The following TBCEL variants were observed in gnomAD, a reference collection of about 807,000 sequenced individuals.
TBCEL encodes tubulin folding cofactor E like, also known as tubulin-specific chaperone cofactor E-like protein.
A neutral mutation model predicts 44.2 loss-of-function variants in TBCEL; 15 were observed. The ratio of observed to expected loss-of-function variants is 0.34; its 90% CI spans 0.23 to 0.52. The LOEUF is 0.52. TBCEL is among the 20% of genes least tolerant of loss of function. TBCEL has a pLI of 0.95. For synonymous variants in TBCEL, 171 were observed against 185.4 expected (o/e 0.92, Z 0.63); for missense variants, 319 against 506.3 (o/e 0.63, Z 3.55).
intron 4 of TBCEL, among the ~76,000 whole-genome samples, chr11:121,050,099 AGTCTTCTAGAG>A (rs897458352): frequency 2.4e-4 from 37 of 151,622 alleles, no homozygotes; most frequent in Non-Finnish European, 4.7e-4. Flanking sequence ...AGTTGATCCC[AGTCTTCTAGAG>A]GATATATCAG....
chr11:121,037,963 ATTTT>A (rs771076664), intron 2 of TBCEL, among the ~76,000 whole-genome samples: 1 of 144,592 alleles, frequency 6.9e-6, no homozygotes, highest in South Asian at 2.2e-4. Flanking sequence ...TGCAGAATGA[ATTTT>A]TTTTTTTTTT....
chr11:121,078,830 G>A (rs1307623716), intron 8 of TBCEL, among the ~76,000 whole-genome samples: 6 of 152,148 alleles, frequency 3.9e-5, no homozygotes, highest in Non-Finnish European at 8.8e-5. Flanking sequence ...CTGGTCCATG[G>A]AGATGCTTAT....
intron 2 of TBCEL, among the ~76,000 whole-genome samples, chr11:121,037,840 T>C (rs759996679): frequency 1.3e-5 from 2 of 152,176 alleles, no homozygotes; most frequent in Non-Finnish European, 2.9e-5. Context: ...TGAAAAGCTT[T>C]TGATAATACT....
chr11:121,047,436 G>A, intron 3 of TBCEL, 92 bp from the exon 4 acceptor site: 1 of 1,460,802 alleles, frequency 6.8e-7, no homozygotes, highest in African/African-American at 1.4e-5. Flanking sequence ...CACACAGTTT[G>A]ATTTTTGTTT....
At chr11:121,060,311 T>C (rs554883278) in intron 8 of TBCEL, among the ~76,000 whole-genome samples, 8 of 152,000 alleles carry the variant, frequency 5.3e-5, no homozygotes, top group Non-Finnish European at 1.0e-4. Context: ...TAAGAATGAT[T>C]GGGTAAGTAT....
chr11:121,028,859 T>G (rs756264430), intron 1 of TBCEL, among the ~76,000 whole-genome samples: 1 of 152,218 alleles, frequency 6.6e-6, no homozygotes, highest in Non-Finnish European at 1.5e-5. Flanking sequence ...TGTTTCCGCC[T>G]TCTTTAGAAG....
chr11:121,041,926 AAAG>A (rs1945341716), intron 2 of TBCEL, among the ~76,000 whole-genome samples: 1 of 151,998 alleles, frequency 6.6e-6, no homozygotes, highest in Non-Finnish European at 1.5e-5. Flanking sequence ...AAAAAAAAAA[AAAG>A]AAGTCTTAAA....
chr11:121,053,478 G>C, intron 4 of TBCEL, 73 bp from the exon 5 acceptor site: 1 of 1,444,374 alleles, frequency 6.9e-7, no homozygotes, highest in Non-Finnish European at 9.5e-7. Context: ...GCTCCTCTAG[G>C]CTTTCTTGAG....
At chr11:121,033,790 TATTA>T (rs1375386307) in intron 1 of TBCEL, among the ~76,000 whole-genome samples, 3 of 152,268 alleles carry the variant, frequency 2.0e-5, no homozygotes, top group Middle Eastern at 3.4e-3. Context: ...GCTTTGTACC[TATTA>T]ATTAATAACT....
chr11:121,067,145 G>A (rs1277384535), intron 8 of TBCEL, among the ~76,000 whole-genome samples: 1 of 152,182 alleles, frequency 6.6e-6, no homozygotes, highest in Non-Finnish European at 1.5e-5. Flanking sequence ...ATAAAGAGCC[G>A]ACATGATGAG....
intron 8 of TBCEL, among the ~76,000 whole-genome samples, chr11:121,075,345 C>CA (rs1047258810): frequency 6.6e-6 from 1 of 151,566 alleles, no homozygotes; most frequent in East Asian, 1.9e-4. Flanking sequence ...TCACTATAGG[C>CA]AAAAAAAATG....
chr11:121,028,019 A>G (rs1364370616), intron 1 of TBCEL, among the ~76,000 whole-genome samples: 4 of 152,102 alleles, frequency 2.6e-5, no homozygotes, highest in Non-Finnish European at 5.9e-5. Context: ...CAACCTGGGC[A>G]ACGTAGGGAG....
intron 1 of TBCEL, among the ~76,000 whole-genome samples, chr11:121,026,941 TAGACTCTTAA>T (rs1160155604): frequency 6.6e-6 from 1 of 152,244 alleles, no homozygotes; most frequent in East Asian, 1.9e-4. Flanking sequence ...CTCTGATCCT[TAGACTCTTAA>T]GCCTGTCCAC....
At chr11:121,038,397 T>C (rs1945272622) in intron 2 of TBCEL, among the ~76,000 whole-genome samples, 1 of 152,188 alleles carries the variant, frequency 6.6e-6, no homozygotes, top group Non-Finnish European at 1.5e-5. Context: ...TAAATCAGTC[T>C]TTTTGGGGAT....
At position 121,061,878 on chromosome 11, in the gene TBCEL, T is replaced by C. The variant is rs142223064; in HGVS notation, c.956+1793T>C. Among the ~76,000 whole-genome samples the C allele has an allele frequency of 5.2e-3, 787 of 152,146 alleles. 5 individuals are homozygous for C. The highest frequency in any genetic ancestry group is 0.017 in the African/African-American group (724 of 41,522). ...TAGGCTGTACTACATTTATACAATT[T>C]TTTTCTTTCTTTAATAGTAAATCAA... On this transcript the variant is annotated intron_variant, in intron 8 of 8. Coordinates refer to ENST00000683345, the MANE Select transcript of TBCEL (RefSeq NM_001363644.2).
At chr11:121,038,673 A>G (rs1945277240) in intron 2 of TBCEL, among the ~76,000 whole-genome samples, 2 of 151,916 alleles carry the variant, frequency 1.3e-5, no homozygotes, top group Non-Finnish European at 2.9e-5. Context: ...TTTTCCTCCT[A>G]TGGCTTTGTT....
rs1041387964 is a variant in TBCEL, at chr11:121,090,733, T to G, written c.*3637T>G. 1 of 150,896 alleles carries G rather than the reference T, an allele frequency of 6.6e-6. No homozygotes were observed. The highest frequency in any genetic ancestry group is 1.5e-5 in the Non-Finnish European group (1 of 67,782). The allele number at this position is 150,896 out of a possible 1,614,324, so 9.3% of individuals were successfully genotyped here. A position where few individuals can be genotyped will look rare whatever the true frequency, so the allele number is the denominator to read the frequency against. Reference sequence around the variant, plus strand: ...ATTCTTTGCACTTTTTATTAATATATATATAGATAATCTTTAAAAAAATTA... The same window carrying G: ...ATTCTTTGCACTTTTTATTAATATAGATATAGATAATCTTTAAAAAAATTA... On this transcript the variant is annotated 3_prime_UTR_variant, in exon 9 of 9. Coordinates refer to ENST00000683345, the MANE Select transcript of TBCEL (RefSeq NM_001363644.2).
intron 8 of TBCEL, among the ~76,000 whole-genome samples, chr11:121,076,003 T>C (rs531959019): frequency 5.3e-5 from 8 of 152,056 alleles, no homozygotes; most frequent in African/African-American, 1.9e-4. Flanking sequence ...ACTAATCATA[T>C]AGGTGGCCCG....
chr11:121,055,717 C>T (rs1791484991), intron 6 of TBCEL, among the ~76,000 whole-genome samples: 1 of 151,750 alleles, frequency 6.6e-6, no homozygotes, highest in Non-Finnish European at 1.5e-5. Flanking sequence ...AATTGATTGT[C>T]AGTTTATTGC....
Sources: gnomAD v4.1 joint callset for allele counts (sites outside exome capture counted in the v4.1 genomes callset) on GRCh38, gnomAD v4.1.1 for gene constraint, MANE v1.5 for transcripts, NCBI Gene and HGNC (gene_info 2026-07-23, HGNC 2026-07-21) for gene names.